BMP5: variants seen among roughly 807,000 people sequenced by gnomAD.
BMP5 encodes the protein bone morphogenetic protein 5.
Under a neutral mutation model 46.6 loss-of-function variants are expected in BMP5, and 23 were observed. The observed-to-expected ratio is 0.49, with a 90% CI of 0.35 to 0.70. The LOEUF (loss-of-function observed/expected upper bound fraction) is 0.70, where lower values mean the gene tolerates loss of function less well. Among genes scored for constraint, BMP5 ranks in the 30% least tolerant of loss-of-function variants. The probability of loss-of-function intolerance (pLI) is 0.00; values close to 1 mark genes in which losing one functional copy is unlikely to be tolerated. For synonymous variants in BMP5, 204 were observed against 191.9 expected (o/e 1.06, Z -0.52); for missense variants, 545 against 565.6 (o/e 0.96, Z 0.37).
chr6:55,857,249 T>C (rs1381851309), intron 1 of BMP5, among the ~76,000 whole-genome samples: 1 of 152,194 alleles, frequency 6.6e-6, no homozygotes, highest in East Asian at 1.9e-4. Context: ...ACATTAGTAA[T>C]TGTTGCTTAA....
intron 4 of BMP5, 125 bp downstream of exon 4, chr6:55,773,924 T>G: frequency 3.8e-6 from 4 of 1,052,294 alleles, no homozygotes; most frequent in Non-Finnish European, 5.9e-6. Flanking sequence ...GCTAGAAACA[T>G]CACTGGAAGA....
At chr6:55,868,914 T>G (rs1004062270) in intron 1 of BMP5, among the ~76,000 whole-genome samples, 2 of 152,184 alleles carry the variant, frequency 1.3e-5, no homozygotes, top group African/African-American at 4.8e-5. Flanking sequence ...TTTTAAGAGA[T>G]GAGCAAATGG....
intron 3 of BMP5, among the ~76,000 whole-genome samples, chr6:55,785,797 A>G (rs1182335566): frequency 6.6e-6 from 1 of 151,660 alleles, no homozygotes; most frequent in Admixed American, 6.6e-5. Flanking sequence ...TAGATAATTT[A>G]TGTTTTGATG....
chr6:55,840,918 G>T (rs7749016), intron 1 of BMP5, among the ~76,000 whole-genome samples: 76,533 of 152,060 alleles, frequency 0.5, 21,696 homozygotes, highest in African/African-American at 0.78. Flanking sequence ...GGCCCCAGAC[G>T]GGTACTGGTT....
intron 1 of BMP5, among the ~76,000 whole-genome samples, chr6:55,873,263 A>G (rs1777825774): frequency 6.6e-6 from 1 of 151,990 alleles, no homozygotes; most frequent in Non-Finnish European, 1.5e-5. Flanking sequence ...TTAAGTGTTT[A>G]ATAAAACATG....
At position 55,754,444 on chromosome 6, in the gene BMP5, G is replaced by GA. The variant is rs1176001256; in HGVS notation, c.*1088dup. ...TCATTGAGCTCACTCTCAAAGATAT[G>GA]AAAAATGAATTTCAGCTGTTCTTTA... On this transcript the variant is annotated 3_prime_UTR_variant, in exon 7 of 7. Coordinates refer to ENST00000370830, the MANE Select transcript of BMP5 (RefSeq NM_021073.4). The GA allele has an allele frequency of 2.0e-5, 3 of 151,854 alleles. No individual in the cohort carries two copies. The allele number at this position is 151,854 out of a possible 1,614,324, so 9.4% of individuals were successfully genotyped here.
At chr6:55,857,347 G>A (rs776977652) in intron 1 of BMP5, among the ~76,000 whole-genome samples, 5 of 152,176 alleles carry the variant, frequency 3.3e-5, no homozygotes, top group East Asian at 1.9e-4. Flanking sequence ...GCTAAGAAAG[G>A]TTGATAAGAT....
intron 1 of BMP5, among the ~76,000 whole-genome samples, chr6:55,824,551 G>A (rs1776485676): frequency 6.6e-6 from 1 of 151,858 alleles, no homozygotes; most frequent in Non-Finnish European, 1.5e-5. Context: ...AAGGCAGAAG[G>A]TTTGGCTCAT....
At chr6:55,776,136 A>T (rs1221796076) in intron 3 of BMP5, among the ~76,000 whole-genome samples, 2 of 152,028 alleles carry the variant, frequency 1.3e-5, no homozygotes, top group East Asian at 3.9e-4. Flanking sequence ...TTTTAAATGC[A>T]AACTTACAGT....
chr6:55,755,616 A>G lies in BMP5; in HGVS notation c.1282T>C (p.Ser428Pro), dbSNP rs1186422804. 6.2e-7 allele frequency: 1 copy of G among 1,612,342 alleles called. No individual in the cohort carries two copies. The highest frequency in any genetic ancestry group is 8.5e-7 in the Non-Finnish European group (1 of 1,178,770). Reference sequence around the variant, plus strand: ...GAGCTGTCATCAAAGTACAGAACAGAGATGGCATTTAATTTGGTTGGAGCA... The same window carrying G: ...GAGCTGTCATCAAAGTACAGAACAGGGATGGCATTTAATTTGGTTGGAGCA... ...CCAPTKLNAI[S>P]VLYFDDSSNV... is the part of the protein sequence containing the mutation. Residue 428 changes from serine (S) to proline (P), a missense_variant, in exon 7 of 7, where the codon TCT becomes CCT. Transcript: ENST00000370830.
chr6:55,865,100 G>T (rs562195804), intron 1 of BMP5, among the ~76,000 whole-genome samples: 2 of 152,102 alleles, frequency 1.3e-5, no homozygotes, highest in Non-Finnish European at 2.9e-5. Context: ...TTTGAACAGA[G>T]TGACTTTCCT....
intron 3 of BMP5, among the ~76,000 whole-genome samples, chr6:55,793,145 C>T (rs778123960): frequency 9.3e-4 from 142 of 152,118 alleles, no homozygotes; most frequent in Non-Finnish European, 1.7e-3. Context: ...AGTGTTTGAA[C>T]TTTGAGTGAT....
At chr6:55,764,336 G>A (rs1407807001) in intron 4 of BMP5, among the ~76,000 whole-genome samples, 3 of 152,282 alleles carry the variant, frequency 2.0e-5, no homozygotes, top group South Asian at 4.1e-4. Flanking sequence ...CACTTTGGGA[G>A]GCCAAGGAGG....
intron 3 of BMP5, among the ~76,000 whole-genome samples, chr6:55,775,228 T>G (rs1775148132): frequency 6.6e-6 from 1 of 152,058 alleles, no homozygotes; most frequent in Non-Finnish European, 1.5e-5. Flanking sequence ...TAATAATACT[T>G]AAAACTATGT....
rs1477952467 is a variant in BMP5 at position 55,812,198 on chromosome 6, T to G, written c.683+7457A>C. ...TGAAAAGATTAAATAAGTGAAATGATGCAAAGTGTGTTAACTTTTTACCAA... is the reference window on the plus strand; with the variant it reads ...TGAAAAGATTAAATAAGTGAAATGAGGCAAAGTGTGTTAACTTTTTACCAA... On this transcript the variant is annotated intron_variant, in intron 2 of 6. Transcript: ENST00000370830. Among the ~76,000 whole-genome samples, 3 of 152,234 alleles carry G rather than the reference T, an allele frequency of 2.0e-5. No homozygotes were observed. The East Asian group carries it at 5.8e-4, about 29-fold the overall frequency.
At chr6:55,775,847 C>T (rs762364552) in intron 3 of BMP5, among the ~76,000 whole-genome samples, 18 of 151,248 alleles carry the variant, frequency 1.2e-4, no homozygotes, top group South Asian at 2.1e-4. Context: ...AAAATGAGAC[C>T]GTGTCGTATA....
chr6:55,780,794 GC>G (rs974509679), intron 3 of BMP5, among the ~76,000 whole-genome samples: 1 of 152,056 alleles, frequency 6.6e-6, no homozygotes, highest in Non-Finnish European at 1.5e-5. Flanking sequence ...AGGAAGTAGG[GC>G]CTGAGGACAG....
intron 3 of BMP5, among the ~76,000 whole-genome samples, chr6:55,777,248 C>T (rs1458855971): frequency 2.6e-5 from 4 of 151,646 alleles, no homozygotes; most frequent in Admixed American, 2.0e-4. Context: ...CTGAGAGAAA[C>T]CCAGACTACA....
chr6:55,823,402 A>T (rs1283206401), intron 1 of BMP5, among the ~76,000 whole-genome samples: 2 of 152,034 alleles, frequency 1.3e-5, no homozygotes, highest in Admixed American at 1.3e-4. Flanking sequence ...AAATCTAGTC[A>T]TCTCTTTCCA....
Sources: gnomAD v4.1 joint callset for allele counts (sites outside exome capture counted in the v4.1 genomes callset) on GRCh38, gnomAD v4.1.1 for gene constraint, MANE v1.5 for transcripts, NCBI Gene and HGNC (gene_info 2026-07-23, HGNC 2026-07-21) for gene names.